COL12A1: variants seen among roughly 807,000 people sequenced by gnomAD.
The protein encoded by COL12A1 is collagen type XII alpha 1 chain.
In COL12A1, 114 loss-of-function variants were observed where a neutral mutation model predicts 349.7. The ratio of observed to expected loss-of-function variants is 0.33; its 90% confidence interval spans 0.28 to 0.38. The LOEUF (loss-of-function observed/expected upper bound fraction) is 0.38. Among genes scored for constraint, COL12A1 ranks in the 10% least tolerant of loss-of-function variants. The probability of loss-of-function intolerance (pLI) is 1.00; values close to 1 mark genes in which losing one functional copy is unlikely to be tolerated. For missense variants in COL12A1, 3,284 were observed against 3,756.9 expected (o/e 0.87, Z 3.29); for synonymous variants, 1,369 against 1,329.0 (o/e 1.03, Z -0.66).
rs1562335932 is a variant in COL12A1, at chr6:75,202,809, T to C, written c.-17A>G. On this transcript the variant is annotated 5_prime_UTR_variant, in exon 2 of 66. The change abolishes the stop of an existing upstream ORF in the 5' untranslated region. Transcript: ENST00000322507. ...ACTCCGCATCCTTGGCCTCCGAGCT[T>C]ACAGCGGCATGAAGAGATCTGCGGG... is the stretch of plus-strand genomic sequence containing the variant. 6.4e-7 allele frequency: 1 copy of C among 1,551,478 alleles called. No homozygotes were observed. Among genetic ancestry groups the C allele is most frequent in the Non-Finnish European group, 8.7e-7 (1 of 1,146,790 alleles).
At chr6:75,199,036 T>C (rs1194339683) in intron 2 of COL12A1, among the ~76,000 whole-genome samples, 1 of 152,222 alleles carries the variant, frequency 6.6e-6, no homozygotes, top group Non-Finnish European at 1.5e-5. Context: ...CATTTGAGTT[T>C]TCAAGGTACC....
At chr6:75,100,017 T>C (rs1403869342) in intron 58 of COL12A1, among the ~76,000 whole-genome samples, 1 of 152,214 alleles carries the variant, frequency 6.6e-6, no homozygotes, top group Admixed American at 6.5e-5. Flanking sequence ...CCACCAGCTA[T>C]GCACCCTCCT....
At chr6:75,094,926 A>G (rs775591664) in intron 60 of COL12A1, among the ~76,000 whole-genome samples, 182 bp downstream of exon 60, 5 of 152,258 alleles carry the variant, frequency 3.3e-5, no homozygotes, top group Non-Finnish European at 7.3e-5. Flanking sequence ...GAATATTATA[A>G]CAACCCAGAG....
At chr6:75,191,842 G>T in intron 4 of COL12A1, 82 bp from the exon 5 acceptor site, 1 of 840,886 alleles carries the variant, frequency 1.2e-6, no homozygotes, top group African/African-American at 1.8e-5. Context: ...TATTATATTA[G>T]TTTTTGTTAT....
chr6:75,091,178 C>T (rs1286434428), intron 62 of COL12A1, 145 bp downstream of exon 62: 4 of 653,750 alleles, frequency 6.1e-6, no homozygotes, highest in Non-Finnish European at 1.0e-5. Context: ...TAATCAGATA[C>T]AAAACTGACA....
chr6:75,145,282 G>A, intron 25 of COL12A1, 44 bp downstream of exon 25: 5 of 1,506,516 alleles, frequency 3.3e-6, no homozygotes, highest in Non-Finnish European at 4.5e-6. Context: ...TGAACATTAT[G>A]CTCACAGCAA....
chr6:75,189,807 C>G lies in COL12A1; in HGVS notation c.403G>C (p.Val135Leu). ...PGKTEIQKCS[V>L]SAWTDLVFLV... is the part of the protein sequence containing the mutation. ...AAAACCAAATCAGTCCAGGCACTGA[C>G]AGAGCATTCTGAAATACATTTGATA... Residue 135 changes from valine to leucine, a missense_variant, in exon 6 of 66, where the codon GTC (valine) becomes CTC (leucine). Physicochemically the swap from Val to Leu is conservative, Grantham distance 32. Transcript: ENST00000322507. 3 of 1,611,898 alleles carry G rather than the reference C, an allele frequency of 1.9e-6. No individual in the cohort carries two copies. The highest frequency in any genetic ancestry group is 1.7e-6 in the Non-Finnish European group (2 of 1,178,504).
intron 5 of COL12A1, among the ~76,000 whole-genome samples, chr6:75,190,678 A>G (rs1177748786): frequency 6.6e-6 from 1 of 151,876 alleles, no homozygotes; most frequent in Non-Finnish European, 1.5e-5. Context: ...GAATTTTCTG[A>G]TGATGATTTT....
At position 75,137,536 on chromosome 6, in the gene COL12A1, T is replaced by A. The variant is rs570972516; in HGVS notation, c.5295A>T (p.Thr1765=). ...CCCACTTAACAGTCAGGCTGTTAGA[T>A]GTTGCATTGTACACTTGAAGGTTTC... The part of the protein sequence containing the change: ...GPRNLQVYNA[T]SNSLTVKWDP... The change falls in exon 31 of 66, where the codon ACA becomes ACT. Residue 1765 remains threonine (T), a synonymous_variant. Coordinates refer to ENST00000322507, the MANE Select transcript of COL12A1 (RefSeq NM_004370.6). 9 of 1,613,974 alleles carry A rather than the reference T, an allele frequency of 5.6e-6. No homozygotes were observed. In the African/African-American group the frequency reaches 8.0e-5, roughly 14 times the overall value.
intron 12 of COL12A1, 43 bp downstream of exon 12, chr6:75,177,620 T>G: frequency 6.2e-7 from 1 of 1,613,002 alleles, no homozygotes; most frequent in Non-Finnish European, 8.5e-7. Flanking sequence ...CCCTCTAGTC[T>G]AAGAGTTTGG....
intron 13 of COL12A1, among the ~76,000 whole-genome samples, chr6:75,174,424 C>A (rs1256063905): frequency 6.6e-6 from 1 of 152,058 alleles, no homozygotes; most frequent in Non-Finnish European, 1.5e-5. Context: ...GGCGTGGTGG[C>A]GGGCGCCTGT....
Position 75,142,079 on chromosome 6 carries a change from A to G in COL12A1, c.4910T>C (p.Val1637Ala), listed in dbSNP as rs1219943711. 5.0e-6 allele frequency: 8 copies of G among 1,614,108 alleles called. No homozygotes were observed. The highest frequency in any genetic ancestry group is 1.7e-4 in the Middle Eastern group (1 of 6,050). Residue 1637 changes from valine to alanine, a missense_variant, in exon 27 of 66, where the codon GTA (valine) becomes GCA (alanine). Around this residue, in one of 2 missense-constraint regions of COL12A1, gnomAD observed 2,601 missense variants for 2,824.8 expected, o/e 0.92. Coordinates refer to ENST00000322507, the MANE Select transcript of COL12A1 (RefSeq NM_004370.6). ...TGGAGGAGACTCCCCCTCGTCATGT[A>G]CTGCAGAAACGCTGACTGTGTACAA... The part of the protein sequence containing the change: ...QTLYTVSVSA[V>A]HDEGESPPVT...
rs36099249 is a variant in COL12A1 at position 75,180,632 on chromosome 6, T to C, written c.2164+307A>G. 5.6e-3 allele frequency among the ~76,000 whole-genome samples: 850 copies of C among 152,078 alleles called. 4 individuals carry two copies. The highest frequency in any genetic ancestry group is 0.017 in the Middle Eastern group (5 of 294). On this transcript the variant is annotated intron_variant, in intron 11 of 65. Transcript: ENST00000322507. ...AACAATTTCAGAAAGATTTAAGACATGACATTCCTGAAATTTGGGACCAAA... is the reference window on the plus strand; with the variant it reads ...AACAATTTCAGAAAGATTTAAGACACGACATTCCTGAAATTTGGGACCAAA...
rs1416241253 is a variant in COL12A1 at position 75,121,432 on chromosome 6, C to G, written c.6956G>C (p.Gly2319Ala). The G allele has an allele frequency of 6.4e-7, 1 of 1,560,624 alleles. No homozygotes were observed. Among genetic ancestry groups the G allele is most frequent in the Admixed American group, 1.8e-5 (1 of 54,700 alleles). The change falls in exon 44 of 66, where the codon GGG (glycine) becomes GCG (alanine). Residue 2319 changes from glycine (G) to alanine (A), a missense_variant. Gly to Ala is a moderately conservative substitution (Grantham distance 60). Coordinates refer to ENST00000322507, the MANE Select transcript of COL12A1 (RefSeq NM_004370.6). ...CAAGAACACAATATCTGCCTTGGCC[C>G]CTTTGCATACTGCAAAAAAAGAAAG... ...TIPPARDVCK[G>A]AKADIVFLTD...
chr6:75,205,819 G>A lies in COL12A1; in HGVS notation c.-78C>T. ...GGGAGAGGTAGCGGCGGCGACAGCG[G>A]CTTCCCGGCGTCGGAGAAGCTGGTG... is the stretch of plus-strand genomic sequence containing the variant. On this transcript the variant is annotated 5_prime_UTR_variant, in exon 1 of 66. Transcript: ENST00000322507. 1 of 156,920 alleles carries A rather than the reference G, an allele frequency of 6.4e-6. No individual in the cohort carries two copies. Among genetic ancestry groups the A allele is most frequent in the Non-Finnish European group, 1.4e-5 (1 of 71,836 alleles). 9.7% of individuals were successfully genotyped at this position (156,920 alleles called of 1,614,324 possible). A position where few individuals can be genotyped will look rare whatever the true frequency, so the allele number is the denominator to read the frequency against.
At chr6:75,167,574 T>C (rs2149441484) in intron 13 of COL12A1, among the ~76,000 whole-genome samples, 1 of 152,334 alleles carries the variant, frequency 6.6e-6, no homozygotes, top group South Asian at 2.1e-4. Flanking sequence ...CCTATTTTTC[T>C]TTCTACAGCA....
chr6:75,123,178 C>T, intron 43 of COL12A1, 152 bp downstream of exon 43: 2 of 742,244 alleles, frequency 2.7e-6, no homozygotes, highest in South Asian at 3.2e-5. Flanking sequence ...AAACAAATTA[C>T]TGGTTATCTT....
Position 75,131,992 on chromosome 6 carries a change from A to G in COL12A1, c.5885T>C (p.Leu1962Pro), listed in dbSNP as rs764981809. The G allele has an allele frequency of 5.0e-6, 8 of 1,614,044 alleles. No homozygotes were observed. The highest frequency in any genetic ancestry group is 6.8e-6 in the Non-Finnish European group (8 of 1,180,016). Reference protein sequence around the residue: ...VRWDPAPGPVLQYRVVYSPVD... With the variant: ...VRWDPAPGPVPQYRVVYSPVD... ...AGGAGAATACACAACGCGATATTGC[A>G]GCACAGGTCCTGGAGCAGGGTCCCA... The change falls in exon 35 of 66, where the codon CTG (leucine) becomes CCG (proline). Residue 1962 changes from leucine (L) to proline (P), a missense_variant. Physicochemically the swap from Leu to Pro is moderately conservative, Grantham distance 98. Around this residue, in one of 2 missense-constraint regions of COL12A1, gnomAD observed 2,601 missense variants for 2,824.8 expected, o/e 0.92. Coordinates refer to ENST00000322507, the MANE Select transcript of COL12A1 (RefSeq NM_004370.6).
chr6:75,181,979 C>T (rs1282892909), intron 10 of COL12A1, among the ~76,000 whole-genome samples: 1 of 150,782 alleles, frequency 6.6e-6, no homozygotes, highest in Non-Finnish European at 1.5e-5. Flanking sequence ...TCCTGTAGTT[C>T]CAGCTACTGG....
Sources: allele counts gnomAD v4.1 joint callset (sites outside exome capture counted in the v4.1 genomes callset), GRCh38; gene constraint gnomAD v4.1.1; regional missense constraint gnomAD v4.1.1; transcripts MANE v1.5; gene names NCBI Gene and HGNC (gene_info 2026-07-23, HGNC 2026-07-21).